Variants in ARMC8 observed in about 807,000 individuals in gnomAD.
ARMC8 encodes the protein armadillo repeat-containing protein 8.
A neutral mutation model predicts 99.3 loss-of-function variants in ARMC8; 20 were observed. The ratio of observed to expected loss-of-function variants is 0.20; its 90% CI spans 0.14 to 0.29. The LOEUF (loss-of-function observed/expected upper bound fraction) is 0.29, where lower values mean the gene tolerates loss of function less well. Among genes scored for constraint, ARMC8 ranks in the 10% least tolerant of loss-of-function variants. ARMC8 has a pLI of 1.00. For synonymous variants in ARMC8, 263 were observed against 278.3 expected (o/e 0.95, Z 0.55); for missense variants, 569 against 809.5 (o/e 0.70, Z 3.60).
intron 16 of ARMC8, 26 bp downstream of exon 16, chr3:138,270,158 T>C (rs1297809737): frequency 6.8e-7 from 1 of 1,474,480 alleles, no homozygotes; most frequent in Admixed American, 1.7e-5. Flanking sequence ...ATATATATCA[T>C]AACTTACAAA....
intron 18 of ARMC8, among the ~76,000 whole-genome samples, chr3:138,280,926 C>G (rs573985500): frequency 1.6e-4 from 25 of 152,320 alleles, no homozygotes; most frequent in African/African-American, 5.3e-4. Flanking sequence ...CCGCACCCAG[C>G]CTGTTCTCTA....
chr3:138,201,572 G>A (rs1408742453), intron 1 of ARMC8, among the ~76,000 whole-genome samples: 1 of 144,158 alleles, frequency 6.9e-6, no homozygotes, highest in Non-Finnish European at 1.5e-5. Context: ...AGCGATTCTC[G>A]TGCCTCAGCC....
chr3:138,228,977 G>C lies in ARMC8; in HGVS notation c.495G>C (p.Glu165Asp). The C allele has an allele frequency of 6.2e-7, 1 of 1,609,880 alleles. No homozygotes were observed. The highest frequency in any genetic ancestry group is 1.1e-5 in the South Asian group (1 of 90,990). The change falls in exon 6 of 22, where the codon GAG (glutamate) becomes GAC (aspartate). Residue 165 changes from glutamate (E) to aspartate (D), a missense_variant. Around this residue, in one of 2 missense-constraint regions of ARMC8, gnomAD observed 342 missense variants for 391.6 expected, o/e 0.87. Transcript: ENST00000469044. ...TTAGCAGGTCCCGCTATACCCAGGA[G>C]TACATCTGTCAGATCTTCTCACACT... ...ALLSRSRYTQEYICQIFSHCC... is the reference protein window; with the variant it reads ...ALLSRSRYTQDYICQIFSHCC...
At chr3:138,198,982 T>C (rs1224961635) in intron 1 of ARMC8, among the ~76,000 whole-genome samples, 1 of 152,166 alleles carries the variant, frequency 6.6e-6, no homozygotes, top group East Asian at 1.9e-4. Context: ...TTAGTGTTTT[T>C]ATGATTGTGT....
At chr3:138,228,649 G>A in intron 5 of ARMC8, 1 of 477,898 alleles carries the variant, frequency 2.1e-6, no homozygotes, top group South Asian at 1.6e-5. Flanking sequence ...ATTTTATCAT[G>A]AGGATGTAGG....
intron 12 of ARMC8, among the ~76,000 whole-genome samples, chr3:138,256,478 T>TCGGCTCACTGCAAGCTCCG (rs1350237319): frequency 7.0e-6 from 1 of 143,360 alleles, no homozygotes; most frequent in East Asian, 2.3e-4. Flanking sequence ...TGGTGCTATC[T>TCGGCTCACTGCAAGCTCCG]CGGCTCACTG....
At chr3:138,192,559 A>G (rs1284698761) in intron 1 of ARMC8, among the ~76,000 whole-genome samples, 1 of 151,746 alleles carries the variant, frequency 6.6e-6, no homozygotes, top group African/African-American at 2.4e-5. Context: ...TTACAGGCTT[A>G]TTTATCCTTT....
intron 1 of ARMC8, among the ~76,000 whole-genome samples, chr3:138,199,310 A>G (rs995400296): frequency 6.6e-6 from 1 of 152,162 alleles, no homozygotes; most frequent in Non-Finnish European, 1.5e-5. Context: ...ACAAAATAAA[A>G]CCAAAAAAGC....
In ARMC8 at chr3:138,187,331, C is replaced by G. The variant is rs1223061725; in HGVS notation, c.-224C>G. The G allele has an allele frequency of 2.0e-6, 1 of 506,114 alleles. No homozygotes were observed. The highest frequency in any genetic ancestry group is 3.5e-6 in the Non-Finnish European group (1 of 283,194). The allele number at this position is 506,114 out of a possible 1,614,324, so 31.4% of individuals were successfully genotyped here. ...CACCTCTAACCCAGGCTCAGAGTAGCTGCTGTTTCTGAGAGAACGATTCGT... is the reference window on the plus strand; with the variant it reads ...CACCTCTAACCCAGGCTCAGAGTAGGTGCTGTTTCTGAGAGAACGATTCGT... On this transcript the variant is annotated 5_prime_UTR_variant, in exon 1 of 22. Coordinates refer to ENST00000469044, the MANE Select transcript of ARMC8 (RefSeq NM_001363941.2).
intron 1 of ARMC8, 96 bp downstream of exon 1, chr3:138,187,695 C>T: frequency 7.4e-7 from 1 of 1,345,614 alleles, no homozygotes; most frequent in Admixed American, 2.0e-5. Context: ...TGGGCACCAC[C>T]CCCTGGGGTG....
intron 21 of ARMC8, among the ~76,000 whole-genome samples, chr3:138,294,336 C>G (rs941967141): frequency 6.6e-6 from 1 of 152,190 alleles, no homozygotes; most frequent in Non-Finnish European, 1.5e-5. Flanking sequence ...TCCCAGAGCT[C>G]CCGCCTCCAT....
intron 7 of ARMC8, among the ~76,000 whole-genome samples, chr3:138,236,449 C>T (rs2046337008): frequency 1.3e-5 from 2 of 152,174 alleles, no homozygotes; most frequent in South Asian, 4.1e-4. Context: ...TCCTTATTTA[C>T]TATAATGATT....
At chr3:138,287,670 T>C in intron 19 of ARMC8, 1 of 456,684 alleles carries the variant, frequency 2.2e-6, no homozygotes, top group Middle Eastern at 3.3e-4. Context: ...GTGTTGGCAG[T>C]TAGAAGAAGA....
At chr3:138,188,172 TC>T (rs2043179499) in intron 1 of ARMC8, 1 of 301,210 alleles carries the variant, frequency 3.3e-6, no homozygotes, top group South Asian at 4.7e-5. Context: ...CTGCAACTCT[TC>T]CTAGTGTGTG....
intron 1 of ARMC8, among the ~76,000 whole-genome samples, chr3:138,198,774 A>G (rs1295771324): frequency 2.0e-5 from 3 of 151,796 alleles, no homozygotes; most frequent in Middle Eastern, 3.2e-3. Flanking sequence ...GGCCTCCCAA[A>G]GTGCTGGGAT....
chr3:138,279,972 C>T (rs567344511), intron 18 of ARMC8, among the ~76,000 whole-genome samples: 48 of 150,456 alleles, frequency 3.2e-4, no homozygotes, highest in Admixed American at 1.5e-3. Context: ...TGGCTGATCT[C>T]GGCTCACTGC....
At position 138,245,523 on chromosome 3, in the gene ARMC8, ATTAGAATTGTAAATGTTATT is replaced by A. The variant is rs1480965887; in HGVS notation, c.1134+342_1134+361del. On this transcript the variant is annotated intron_variant, in intron 12 of 21. Coordinates refer to ENST00000469044, the MANE Select transcript of ARMC8 (RefSeq NM_001363941.2). Reference sequence around the variant, plus strand: ...CTTCAGACACCTTGAAAGTCCTAACATTAGAATTGTAAATGTTATTTATGGAAATACCTTCCAATGCTATT... The same window carrying A: ...CTTCAGACACCTTGAAAGTCCTAACATATGGAAATACCTTCCAATGCTATT... 2.6e-6 allele frequency: 3 copies of A among 1,174,126 alleles called. No individual in the cohort carries two copies. In the African/African-American group the frequency reaches 4.7e-5, roughly 18 times the overall value. 72.7% of individuals were successfully genotyped at this position (1,174,126 alleles called of 1,614,324 possible). A position where few individuals can be genotyped will look rare whatever the true frequency, so the allele number is the denominator to read the frequency against.
chr3:138,268,414 G>A (rs1378823176), intron 15 of ARMC8, among the ~76,000 whole-genome samples: 1 of 152,158 alleles, frequency 6.6e-6, no homozygotes, highest in Non-Finnish European at 1.5e-5. Flanking sequence ...GTCTTGGCCT[G>A]ATGATAATCC....
At chr3:138,245,996 T>C in intron 12 of ARMC8, 1 of 985,362 alleles carries the variant, frequency 1.0e-6, no homozygotes, top group Non-Finnish European at 1.2e-6. Flanking sequence ...TTAGTCATTA[T>C]TTACTGAACA....
Sources: gnomAD v4.1 joint callset for allele counts (sites outside exome capture counted in the v4.1 genomes callset) on GRCh38, gnomAD v4.1.1 for gene constraint, gnomAD v4.1.1 regional missense constraint, MANE v1.5 for transcripts, NCBI Gene and HGNC (gene_info 2026-07-23, HGNC 2026-07-21) for gene names.